SCFD2: variants seen among roughly 807,000 people sequenced by gnomAD.
SCFD2 encodes the protein sec1 family domain-containing protein 2.
SCFD2 carries 54 observed loss-of-function variants against 58.9 expected under a neutral mutation model. That is an observed-to-expected ratio of 0.92 (90% CI 0.74 to 1.15). The LOEUF is 1.15. Ranked by LOEUF, SCFD2 falls within the 50% of genes most tolerant of loss-of-function variation. The pLI is 0.00. For missense variants in SCFD2, 805 were observed against 836.6 expected, an observed-to-expected ratio of 0.96 and a Z score of 0.47; for synonymous variants, 321 against 335.9, an observed-to-expected ratio of 0.96 and a Z score of 0.49.
intron 5 of SCFD2, among the ~76,000 whole-genome samples, chr4:53,029,358 G>A (rs1722559991): frequency 6.6e-6 from 1 of 152,218 alleles, no homozygotes; most frequent in South Asian, 2.1e-4. Context: ...GGCAAGAGGG[G>A]AATGAGGCAA....
At chr4:53,340,142 G>A (rs537688199) in intron 2 of SCFD2, among the ~76,000 whole-genome samples, 18 of 152,222 alleles carry the variant, frequency 1.2e-4, no homozygotes, top group African/African-American at 4.1e-4. Context: ...GCAGCCCACC[G>A]AGCGACAGCC....
In SCFD2 at chr4:53,360,032, C is replaced by A. The variant is rs182501980; in HGVS notation, c.838+5072G>T. On this transcript the variant is annotated intron_variant, in intron 1 of 8. Coordinates refer to ENST00000401642, the MANE Select transcript of SCFD2 (RefSeq NM_152540.4). ...GCATGCTTCTAGGCTCTATCTATTG[C>A]CTCCACTGGACAACAGTATTTGGTG... is the stretch of plus-strand genomic sequence containing the variant. Among the ~76,000 whole-genome samples, 578 of 152,330 alleles carry A rather than the reference C, an allele frequency of 3.8e-3. 4 individuals are homozygous for A. The highest frequency in any genetic ancestry group is 4.5e-3 in the Non-Finnish European group (309 of 68,034).
intron 5 of SCFD2, among the ~76,000 whole-genome samples, chr4:53,088,903 G>A (rs1196604124): frequency 1.3e-5 from 2 of 152,068 alleles, no homozygotes; most frequent in Non-Finnish European, 2.9e-5. Flanking sequence ...CCAATGTGCT[G>A]GCATTAGGAA....
At chr4:53,068,399 C>A (rs1314282272) in intron 5 of SCFD2, among the ~76,000 whole-genome samples, 1 of 151,946 alleles carries the variant, frequency 6.6e-6, no homozygotes. Flanking sequence ...TAAATGACTT[C>A]ATGTTTAGTT....
At chr4:53,185,653 C>T (rs1014339490) in intron 4 of SCFD2, among the ~76,000 whole-genome samples, 1 of 151,932 alleles carries the variant, frequency 6.6e-6, no homozygotes, top group Non-Finnish European at 1.5e-5. Context: ...TATTAAGTTA[C>T]CAAGAGTAAT....
intron 5 of SCFD2, among the ~76,000 whole-genome samples, chr4:53,043,702 AG>A (rs1265451310): frequency 6.6e-6 from 1 of 152,180 alleles, no homozygotes; most frequent in Non-Finnish European, 1.5e-5. Context: ...AGACTTTGTG[AG>A]GATACACACC....
chr4:52,920,883 A>T lies in SCFD2; in HGVS notation c.1562-13T>A. On this transcript the variant is annotated splice_polypyrimidine_tract_variant and intron_variant, in intron 5 of 8. Transcript: ENST00000401642. The stretch of plus-strand genomic sequence containing the variant: ...GAAGAGTCCCAGTCTGAAAAAATCC[A>T]GAGATATTTTCTTGAGTGAGTAAAT... 6.3e-7 allele frequency: 1 copy of T among 1,585,862 alleles called. No individual in the cohort carries two copies. Among genetic ancestry groups the T allele is most frequent in the Non-Finnish European group, 8.6e-7 (1 of 1,164,332 alleles).
At position 53,073,136 on chromosome 4, in the gene SCFD2, TTTTCCTAATTATA is replaced by T. The variant is rs546928179; in HGVS notation, c.1561+72184_1561+72196del. On this transcript the variant is annotated intron_variant, in intron 5 of 8. Coordinates refer to ENST00000401642, the MANE Select transcript of SCFD2 (RefSeq NM_152540.4). ...ATATAGTTTAACTATTTATATAGCA[TTTTCCTAATTATA>T]TTTCCTAATTAGGTTACATATAATA... Among the ~76,000 whole-genome samples, 341 of 152,222 alleles carry T rather than the reference TTTTCCTAATTATA, an allele frequency of 2.2e-3. 1 individual carries two copies. Among genetic ancestry groups the T allele is most frequent in the Non-Finnish European group, 2.9e-3 (199 of 68,004 alleles).
intron 4 of SCFD2, 132 bp from the exon 5 acceptor site, chr4:53,145,714 G>T (rs1298939725): frequency 7.6e-5 from 64 of 837,640 alleles, no homozygotes; most frequent in Non-Finnish European, 1.1e-4. Flanking sequence ...TTTTATTTGT[G>T]TGTTTCTTGT....
chr4:53,274,344 T>C (rs1393245523), intron 3 of SCFD2, among the ~76,000 whole-genome samples: 2 of 152,134 alleles, frequency 1.3e-5, no homozygotes, highest in African/African-American at 4.8e-5. Flanking sequence ...CAACTTGGAG[T>C]ACCTCTTTAT....
chr4:52,958,683 C>T (rs1444028042), intron 5 of SCFD2, among the ~76,000 whole-genome samples: 1 of 152,162 alleles, frequency 6.6e-6, no homozygotes, highest in African/African-American at 2.4e-5. Context: ...ACATCAGCCA[C>T]CCATGGCCAG....
intron 5 of SCFD2, among the ~76,000 whole-genome samples, chr4:53,129,747 T>C (rs1045467201): frequency 1.3e-5 from 2 of 152,228 alleles, no homozygotes; most frequent in Admixed American, 6.5e-5. Context: ...AGCACCAACA[T>C]TGTCAACAAC....
At chr4:53,030,861 A>G (rs530721604) in intron 5 of SCFD2, among the ~76,000 whole-genome samples, 180 of 152,382 alleles carry the variant, frequency 1.2e-3, no homozygotes, top group African/African-American at 4.0e-3. Context: ...GGCATTATTG[A>G]TAATTTCAAA....
intron 5 of SCFD2, among the ~76,000 whole-genome samples, chr4:52,954,068 G>A (rs1720658293): frequency 6.6e-6 from 1 of 152,214 alleles, no homozygotes; most frequent in Admixed American, 6.5e-5. Flanking sequence ...CATGGCATGG[G>A]GTTGCTGTGA....
At chr4:53,298,892 T>C (rs1049707935) in intron 3 of SCFD2, among the ~76,000 whole-genome samples, 3 of 152,106 alleles carry the variant, frequency 2.0e-5, no homozygotes, top group Admixed American at 1.3e-4. Flanking sequence ...GTCCTGACTG[T>C]TAGAAGGAAA....
chr4:53,049,940 TATTC>T (rs547517407), intron 5 of SCFD2, among the ~76,000 whole-genome samples: 49 of 152,326 alleles, frequency 3.2e-4, no homozygotes, highest in African/African-American at 1.2e-3. Context: ...GATTGGCATG[TATTC>T]ATTCATAGAT....
chr4:52,990,548 A>G (rs955074568), intron 5 of SCFD2, among the ~76,000 whole-genome samples: 1 of 152,192 alleles, frequency 6.6e-6, no homozygotes, highest in African/African-American at 2.4e-5. Flanking sequence ...CATTTTTCAG[A>G]TGAAGAAAAT....
chr4:53,330,530 C>T (rs1253579276), intron 2 of SCFD2, among the ~76,000 whole-genome samples: 1 of 152,152 alleles, frequency 6.6e-6, no homozygotes, highest in Non-Finnish European at 1.5e-5. Flanking sequence ...AAATACTTTA[C>T]AGACAAGCAA....
intron 4 of SCFD2, among the ~76,000 whole-genome samples, chr4:53,262,009 G>A (rs546396549): frequency 2.2e-4 from 33 of 151,922 alleles, no homozygotes; most frequent in African/African-American, 8.0e-4. Flanking sequence ...ATTATATAAG[G>A]TCCCTCTTTT....
Sources: gnomAD v4.1 joint callset for allele counts (sites outside exome capture counted in the v4.1 genomes callset) on GRCh38, gnomAD v4.1.1 for gene constraint, MANE v1.5 for transcripts, NCBI Gene and HGNC (gene_info 2026-07-23, HGNC 2026-07-21) for gene names.